KDM4B: variants seen among roughly 807,000 people sequenced by gnomAD.
KDM4B encodes the protein lysine-specific demethylase 4B.
Under a neutral mutation model 125.2 loss-of-function variants are expected in KDM4B, and 32 were observed. The ratio of observed to expected loss-of-function variants is 0.26; its 90% CI spans 0.19 to 0.34. The LOEUF (loss-of-function observed/expected upper bound fraction) is 0.34, where lower values mean the gene tolerates loss of function less well. Among genes scored for constraint, KDM4B ranks in the 10% least tolerant of loss-of-function variants. The pLI is 1.00. For synonymous variants in KDM4B, 721 were observed against 677.9 expected (o/e 1.06, Z -0.99); for missense variants, 1,190 against 1,577.7 (o/e 0.75, Z 4.16).
chr19:5,102,008 G>A (rs375733862), intron 9 of KDM4B, among the ~76,000 whole-genome samples: 1 of 152,180 alleles, frequency 6.6e-6, no homozygotes, highest in Non-Finnish European at 1.5e-5. Flanking sequence ...CGGCCGCCAG[G>A]GTGCCAGGAG....
chr19:5,095,581 C>A (rs2038804124), intron 9 of KDM4B, among the ~76,000 whole-genome samples: 1 of 152,236 alleles, frequency 6.6e-6, no homozygotes, highest in Non-Finnish European at 1.5e-5. Context: ...AGCTGGGGGC[C>A]CACGAGCCTC....
intron 3 of KDM4B, among the ~76,000 whole-genome samples, chr19:5,036,375 G>A (rs887681239): frequency 6.6e-6 from 1 of 152,254 alleles, no homozygotes. Context: ...TGGAGCTGGC[G>A]GTGCCCTGGG....
intron 1 of KDM4B, among the ~76,000 whole-genome samples, chr19:4,984,857 G>T (rs1445693167): frequency 6.6e-6 from 1 of 152,060 alleles, no homozygotes; most frequent in South Asian, 2.1e-4. Flanking sequence ...TGTACCTGGG[G>T]GTCTGGCACC....
At chr19:5,119,211 G>A (rs1371696756) in intron 10 of KDM4B, 19 of 1,532,076 alleles carry the variant, frequency 1.2e-5, no homozygotes, top group South Asian at 4.8e-5. Context: ...CCAAAAGGCC[G>A]GGGCTGTCGT....
chr19:5,139,972 G>T (rs2039712858), intron 18 of KDM4B, among the ~76,000 whole-genome samples: 1 of 152,230 alleles, frequency 6.6e-6, no homozygotes, highest in Admixed American at 6.5e-5. Context: ...GTCAGTGCTG[G>T]CCACCAGCTG....
At position 5,114,175 on chromosome 19, in the gene KDM4B, G is replaced by A. The variant is rs1568306045; in HGVS notation, c.1115+3357G>A. On this transcript the variant is annotated intron_variant, in intron 10 of 22. Coordinates refer to ENST00000159111, the MANE Select transcript of KDM4B (RefSeq NM_015015.3). This position sits in a 1 kb window ranked among gnomAD's most constrained non-coding sequence, Gnocchi z 5.8. ...TGGCACCCACGCGACGCTCCTCCAT[G>A]CAAACTCTTTCCACGCGAGAAGCGC... is the stretch of plus-strand genomic sequence containing the variant. The A allele has an allele frequency of 2.3e-6, 3 of 1,289,768 alleles. No individual in the cohort carries two copies. Among genetic ancestry groups the A allele is most frequent in the South Asian group, 2.5e-5 (2 of 81,034 alleles). The allele number at this position is 1,289,768 out of a possible 1,614,324, so 79.9% of individuals were successfully genotyped here.
At chr19:5,011,313 A>G (rs2035720275) in intron 1 of KDM4B, among the ~76,000 whole-genome samples, 1 of 152,224 alleles carries the variant, frequency 6.6e-6, no homozygotes, top group South Asian at 2.1e-4. Flanking sequence ...CTCTGCTGAC[A>G]GGGCTTGGAA....
intron 1 of KDM4B, among the ~76,000 whole-genome samples, chr19:4,995,322 C>CT (rs952069200): frequency 2.8e-4 from 42 of 148,892 alleles, no homozygotes; most frequent in South Asian, 4.3e-4. Context: ...GGAGGCAGGT[C>CT]TTTTTTTTTT....
At chr19:5,043,781 T>TG (rs11383786) in intron 5 of KDM4B, among the ~76,000 whole-genome samples, 59,206 of 101,420 alleles carry the variant, frequency 0.58, 18,612 homozygotes, top group Non-Finnish European at 0.64. Context: ...GTTATCGGAG[T>TG]GGGGTGTCCA....
In KDM4B at chr19:5,144,286, C is replaced by T. The variant is rs1341933357; in HGVS notation, c.2775C>T (p.Val925=). The T allele has an allele frequency of 1.9e-6, 3 of 1,596,058 alleles. No homozygotes were observed. Among genetic ancestry groups the T allele is most frequent in the Non-Finnish European group, 2.6e-6 (3 of 1,171,828 alleles). The change falls in exon 20 of 23, where the codon GTC becomes GTT. Residue 925 remains valine (V), a synonymous_variant. Coordinates refer to ENST00000159111, the MANE Select transcript of KDM4B (RefSeq NM_015015.3). The part of the protein sequence containing the change: ...LLRAVSLGQV[V]ITKNRNGLYY... The stretch of plus-strand genomic sequence containing the variant: ...GGGCCGTGTCCCTAGGCCAGGTGGT[C>T]ATCACCAAGAACCGCAACGGGCTGT...
rs376190157 is a variant in KDM4B, at chr19:5,138,082, C to T, written c.2550+12C>T. The T allele has an allele frequency of 1.0e-5, 16 of 1,599,400 alleles. No individual in the cohort carries two copies. In the East Asian group the frequency reaches 1.6e-4, roughly 16 times the overall value. ...AGCGGTGGAAGCTGGTAGGTCCTTG[C>T]GGTCGAGGCCCACCCTGCCCGTGCC... On this transcript the variant is annotated intron_variant, in intron 18 of 22. Coordinates refer to ENST00000159111, the MANE Select transcript of KDM4B (RefSeq NM_015015.3).
At chr19:5,135,709 C>A in intron 15 of KDM4B, 148 bp downstream of exon 15, 1 of 653,914 alleles carries the variant, frequency 1.5e-6, no homozygotes, top group Non-Finnish European at 2.6e-6. Context: ...GGGGCCTCCC[C>A]CGGTGACTTC....
chr19:4,977,182 T>A (rs1367719168), intron 1 of KDM4B, among the ~76,000 whole-genome samples: 1 of 152,226 alleles, frequency 6.6e-6, no homozygotes, highest in Non-Finnish European at 1.5e-5. Flanking sequence ...TCCAGCCATC[T>A]CCGCCCTGCT....
intron 11 of KDM4B, among the ~76,000 whole-genome samples, chr19:5,128,689 C>T (rs2613803): frequency 6.6e-6 from 1 of 152,152 alleles, no homozygotes; most frequent in Non-Finnish European, 1.5e-5. Context: ...CGGCCCCTCC[C>T]CTCTGCATCT....
intron 2 of KDM4B, among the ~76,000 whole-genome samples, chr19:5,029,200 C>T (rs185596831): frequency 1.5e-4 from 23 of 152,336 alleles, no homozygotes; most frequent in East Asian, 5.8e-4. Flanking sequence ...CATGAGCCAC[C>T]GCGCCCACCA....
intron 1 of KDM4B, among the ~76,000 whole-genome samples, chr19:5,000,427 A>G (rs1568217098): frequency 6.6e-6 from 1 of 151,594 alleles, no homozygotes; most frequent in East Asian, 1.9e-4. Context: ...CCGTACATCC[A>G]TTTATTCATC....
chr19:5,032,832 C>A, intron 2 of KDM4B, 34 bp from the exon 3 acceptor site: 1 of 1,590,904 alleles, frequency 6.3e-7, no homozygotes. Flanking sequence ...CATGGCGGCA[C>A]CGCTGGTTCA....
intron 9 of KDM4B, among the ~76,000 whole-genome samples, chr19:5,108,307 A>G (rs925296420): frequency 1.3e-5 from 2 of 152,236 alleles, no homozygotes; most frequent in African/African-American, 4.8e-5. Flanking sequence ...TCCATGGCCA[A>G]ATGACACCAC....
intron 9 of KDM4B, among the ~76,000 whole-genome samples, chr19:5,107,093 G>T (rs1207336389): frequency 6.6e-6 from 1 of 152,218 alleles, no homozygotes; most frequent in Non-Finnish European, 1.5e-5. Context: ...GTCCCCAGAG[G>T]CTGTTCAGCA....
Sources: allele counts gnomAD v4.1 joint callset (sites outside exome capture counted in the v4.1 genomes callset), GRCh38; gene constraint gnomAD v4.1.1; non-coding constraint Gnocchi (gnomAD v3.1); transcripts MANE v1.5; gene names NCBI Gene and HGNC (gene_info 2026-07-23, HGNC 2026-07-21).